Variants in CSMD3 observed in about 807,000 individuals in gnomAD.
CSMD3 encodes CUB and sushi domain-containing protein 3.
In CSMD3, 177 loss-of-function variants were observed where a neutral mutation model predicts 435.2. That is an observed-to-expected ratio of 0.41 (90% CI 0.36 to 0.46). CSMD3 has a LOEUF of 0.46. CSMD3 is among the 20% of genes least tolerant of loss of function. The pLI is 0.34. For missense variants in CSMD3, 4,265 were observed against 4,504.6 expected (o/e 0.95, Z 1.52); for synonymous variants, 1,656 against 1,520.5 (o/e 1.09, Z -2.07).
intron 7 of CSMD3, among the ~76,000 whole-genome samples, chr8:112,964,733 T>C (rs1386139842): frequency 1.3e-5 from 2 of 151,908 alleles, no homozygotes; most frequent in East Asian, 1.9e-4. Context: ...ATCTAGAAAT[T>C]TCTGTCACTT....
chr8:112,767,043 G>A (rs903519422), intron 13 of CSMD3, among the ~76,000 whole-genome samples: 1 of 151,802 alleles, frequency 6.6e-6, no homozygotes, highest in African/African-American at 2.4e-5. Flanking sequence ...ACTATAAATG[G>A]TAGAGTAATC....
chr8:112,548,859 T>C (rs1563689168), intron 27 of CSMD3, among the ~76,000 whole-genome samples: 1 of 151,960 alleles, frequency 6.6e-6, no homozygotes, highest in African/African-American at 2.4e-5. Flanking sequence ...CTATTCATCT[T>C]AAAAAAAACT....
chr8:112,623,389 C>G (rs888338332), intron 22 of CSMD3, among the ~76,000 whole-genome samples: 1 of 151,692 alleles, frequency 6.6e-6, no homozygotes, highest in South Asian at 2.1e-4. Flanking sequence ...TCCTTCCACA[C>G]AAAAAAAATA....
intron 1 of CSMD3, among the ~76,000 whole-genome samples, chr8:113,424,358 A>G (rs780994861): frequency 6.6e-6 from 1 of 151,742 alleles, no homozygotes; most frequent in Non-Finnish European, 1.5e-5. Flanking sequence ...TTATTGAAAA[A>G]CTATACTTCA....
At chr8:112,277,846 C>G (rs73341009) in intron 59 of CSMD3, among the ~76,000 whole-genome samples, 8 of 152,080 alleles carry the variant, frequency 5.3e-5, no homozygotes, top group Non-Finnish European at 8.8e-5. Context: ...TCTTATGAGA[C>G]TTAGCACTAC....
chr8:112,591,633 C>A (rs1586751571), intron 22 of CSMD3, among the ~76,000 whole-genome samples: 1 of 152,008 alleles, frequency 6.6e-6, no homozygotes, highest in South Asian at 2.1e-4. Context: ...TTAGATTGTT[C>A]AAAAAACTTA....
chr8:112,234,348 A>C lies in CSMD3; in HGVS notation c.10740+17T>G, dbSNP rs1305059863. On this transcript the variant is annotated intron_variant, in intron 68 of 70. Transcript: ENST00000297405. The stretch of plus-strand genomic sequence containing the variant: ...ATCATTAAAATCAGCAGCAGATGTT[A>C]AAATAACTATACTTACAAAGCCATC... 1.4e-5 allele frequency: 21 copies of C among 1,494,178 alleles called. No individual in the cohort carries two copies. The highest frequency in any genetic ancestry group is 2.0e-5 in the Non-Finnish European group (21 of 1,072,056). The allele number at this position is 1,494,178 out of a possible 1,614,324, so 92.6% of individuals were successfully genotyped here.
At chr8:113,395,692 A>G (rs1478717735) in intron 1 of CSMD3, among the ~76,000 whole-genome samples, 1 of 152,100 alleles carries the variant, frequency 6.6e-6, no homozygotes, top group Non-Finnish European at 1.5e-5. Context: ...TGTTTTAGCA[A>G]CTATTTCTGT....
chr8:112,458,156 G>C (rs1246744959), intron 32 of CSMD3, among the ~76,000 whole-genome samples: 1 of 150,634 alleles, frequency 6.6e-6, no homozygotes, highest in East Asian at 1.9e-4. Flanking sequence ...TATTTTCATT[G>C]AGCTGCAACT....
intron 5 of CSMD3, among the ~76,000 whole-genome samples, chr8:113,045,570 C>T (rs1345618871): frequency 6.7e-6 from 1 of 149,332 alleles, no homozygotes; most frequent in African/African-American, 2.4e-5. Flanking sequence ...AAAGCCAAAG[C>T]AAGTAATAAA....
intron 19 of CSMD3, among the ~76,000 whole-genome samples, chr8:112,645,689 T>C (rs1322804572): frequency 6.6e-6 from 1 of 152,198 alleles, no homozygotes; most frequent in East Asian, 1.9e-4. Flanking sequence ...TGGGTTTCTT[T>C]ATTTTTCTAG....
At chr8:112,605,948 G>A (rs1832758849) in intron 22 of CSMD3, among the ~76,000 whole-genome samples, 1 of 152,086 alleles carries the variant, frequency 6.6e-6, no homozygotes, top group Non-Finnish European at 1.5e-5. Flanking sequence ...TTAAAGCAGA[G>A]ATATGGCTCT....
chr8:113,374,246 A>G (rs888307878), intron 1 of CSMD3, among the ~76,000 whole-genome samples: 5 of 152,114 alleles, frequency 3.3e-5, no homozygotes, highest in Non-Finnish European at 5.9e-5. Flanking sequence ...TGATAATTAG[A>G]TTATGAAAGA....
chr8:112,890,322 C>G (rs1465097385), intron 10 of CSMD3, among the ~76,000 whole-genome samples: 1 of 151,640 alleles, frequency 6.6e-6, no homozygotes, highest in African/African-American at 2.4e-5. Flanking sequence ...CTATAAGTAT[C>G]TGGCATAAAG....
chr8:112,643,601 C>T (rs1159932088), intron 20 of CSMD3: 3 of 168,532 alleles, frequency 1.8e-5, no homozygotes, highest in African/African-American at 7.2e-5. Context: ...TAGCCCTCCA[C>T]TCCCTTCTAT....
chr8:112,871,333 T>TA (rs1459130979), intron 10 of CSMD3, among the ~76,000 whole-genome samples: 1 of 152,192 alleles, frequency 6.6e-6, no homozygotes, highest in Non-Finnish European at 1.5e-5. Flanking sequence ...TCCAAAGTTT[T>TA]AAAAAATGTT....
chr8:112,569,399 G>T (rs567927173), intron 24 of CSMD3, among the ~76,000 whole-genome samples: 2 of 152,204 alleles, frequency 1.3e-5, no homozygotes, highest in African/African-American at 4.8e-5. Context: ...GCCATGGTAA[G>T]GTTTTCCATT....
At chr8:112,755,349 T>TAAC (rs148433637) in intron 13 of CSMD3, among the ~76,000 whole-genome samples, 49,038 of 146,546 alleles carry the variant, frequency 0.33, 9,123 homozygotes, top group African/African-American at 0.5. Context: ...ATAATAATAA[T>TAAC]AATAATAATA....
intron 12 of CSMD3, among the ~76,000 whole-genome samples, chr8:112,823,686 CTGTT>C (rs1563996684): frequency 6.6e-6 from 1 of 152,030 alleles, no homozygotes; most frequent in African/African-American, 2.4e-5. Context: ...GTCTGAGAGA[CTGTT>C]TGTTATGATT....
Sources: gnomAD v4.1 joint callset for allele counts (sites outside exome capture counted in the v4.1 genomes callset) on GRCh38, gnomAD v4.1.1 for gene constraint, MANE v1.5 for transcripts, NCBI Gene and HGNC (gene_info 2026-07-23, HGNC 2026-07-21) for gene names.